RALYL: variants seen among roughly 807,000 people sequenced by gnomAD.
RALYL encodes the protein RALY RNA binding protein like, also known as RNA-binding Raly-like protein.
Under a neutral mutation model 35.1 loss-of-function variants are expected in RALYL, and 29 were observed. The observed-to-expected ratio is 0.83, with a 90% CI of 0.61 to 1.13. The LOEUF (loss-of-function observed/expected upper bound fraction) is 1.13, where lower values mean the gene tolerates loss of function less well. RALYL is among the 50% of genes most tolerant of loss of function. The pLI is 0.00. For missense variants in RALYL, 359 were observed against 360.4 expected (o/e 1.00, Z 0.03); for synonymous variants, 120 against 127.6 (o/e 0.94, Z 0.40).
chr8:84,667,114 G>T (rs1349450363), intron 2 of RALYL, among the ~76,000 whole-genome samples: 1 of 152,012 alleles, frequency 6.6e-6, no homozygotes, highest in African/African-American at 2.4e-5. Flanking sequence ...TAATTCATTT[G>T]CAGAAGAAAA....
chr8:84,887,816 C>T (rs747917121), intron 8 of RALYL, 40 bp downstream of exon 8: 1 of 1,534,238 alleles, frequency 6.5e-7, no homozygotes, highest in African/African-American at 1.4e-5. Flanking sequence ...CTTTGGGTAA[C>T]AACACTAGCA....
chr8:84,857,905 C>A (rs1313680633), intron 5 of RALYL, among the ~76,000 whole-genome samples: 2 of 151,916 alleles, frequency 1.3e-5, no homozygotes, highest in Non-Finnish European at 2.9e-5. Context: ...TTAATAATAA[C>A]AAGTTCTTTT....
intron 1 of RALYL, among the ~76,000 whole-genome samples, chr8:84,194,799 C>T (rs1475003757): frequency 6.6e-6 from 1 of 151,916 alleles, no homozygotes; most frequent in African/African-American, 2.4e-5. Flanking sequence ...GAGTATATTA[C>T]CATAGATAAT....
chr8:84,645,442 A>G (rs990834763), intron 2 of RALYL, among the ~76,000 whole-genome samples: 7 of 151,840 alleles, frequency 4.6e-5, no homozygotes, highest in East Asian at 3.9e-4. Context: ...TCTTCTGTCA[A>G]TTTTAATTGG....
chr8:84,599,098 A>G (rs1815287654), intron 2 of RALYL, among the ~76,000 whole-genome samples: 1 of 152,130 alleles, frequency 6.6e-6, no homozygotes, highest in Non-Finnish European at 1.5e-5. Flanking sequence ...TGTAAAACAT[A>G]TAACCTTAAG....
intron 2 of RALYL, among the ~76,000 whole-genome samples, chr8:84,730,594 T>C (rs867254833): frequency 1.4e-4 from 22 of 152,236 alleles, no homozygotes; most frequent in Middle Eastern, 6.8e-3. Context: ...GAAGTCAAAT[T>C]GTCCCTGTTG....
At chr8:84,287,650 T>A (rs1315690146) in intron 1 of RALYL, among the ~76,000 whole-genome samples, 1 of 152,018 alleles carries the variant, frequency 6.6e-6, no homozygotes, top group Non-Finnish European at 1.5e-5. Context: ...AGCCCCTTAA[T>A]AGGGCTATAA....
rs577853552 is a variant in RALYL at position 84,700,482 on chromosome 8, C to G, written c.257-74097C>G. Among the ~76,000 whole-genome samples, 8 of 152,066 alleles carry G rather than the reference C, an allele frequency of 5.3e-5. No homozygotes were observed. The East Asian group carries it at 1.5e-3, about 29-fold the overall frequency. On this transcript the variant is annotated intron_variant, in intron 2 of 8. Transcript: ENST00000521268. ...AAAAACTGAACAAAACTAAGGAGTA[C>G]AGAATTGATTTGTTTGCTTATTTCA...
At chr8:84,810,015 C>G (rs1489963428) in intron 4 of RALYL, among the ~76,000 whole-genome samples, 1 of 151,854 alleles carries the variant, frequency 6.6e-6, no homozygotes, top group South Asian at 2.1e-4. Context: ...TATTTCCTTT[C>G]TTTTACTGGG....
chr8:84,691,390 T>G (rs1318399873), intron 2 of RALYL, among the ~76,000 whole-genome samples: 1 of 152,108 alleles, frequency 6.6e-6, no homozygotes, highest in African/African-American at 2.4e-5. Context: ...GTACAGATTA[T>G]ATTTCAGTTC....
chr8:84,704,525 T>C (rs1005358062), intron 2 of RALYL, among the ~76,000 whole-genome samples: 2 of 151,866 alleles, frequency 1.3e-5, no homozygotes, highest in Non-Finnish European at 2.9e-5. Flanking sequence ...GAGCCTACTT[T>C]GTGCCAGGCA....
intron 1 of RALYL, among the ~76,000 whole-genome samples, chr8:84,262,905 CTAAGGG>C (rs1832582965): frequency 6.6e-6 from 1 of 152,048 alleles, no homozygotes; most frequent in Non-Finnish European, 1.5e-5. Flanking sequence ...ATGCCTCTAG[CTAAGGG>C]TAATGGTCAA....
chr8:84,805,101 A>G (rs545275499), intron 4 of RALYL, among the ~76,000 whole-genome samples: 1 of 152,308 alleles, frequency 6.6e-6, no homozygotes, highest in Non-Finnish European at 1.5e-5. Flanking sequence ...ATTGGTTTTA[A>G]AAATTCCTCT....
At chr8:84,560,913 T>G (rs1228893187) in intron 2 of RALYL, among the ~76,000 whole-genome samples, 1 of 152,062 alleles carries the variant, frequency 6.6e-6, no homozygotes, top group Non-Finnish European at 1.5e-5. Context: ...AATTATCAAA[T>G]GGATGTTTTC....
chr8:84,547,982 C>T (rs541360203), intron 2 of RALYL, among the ~76,000 whole-genome samples: 2 of 152,144 alleles, frequency 1.3e-5, no homozygotes, highest in Admixed American at 6.5e-5. Context: ...TTGAAGGTCA[C>T]TTTTACTTGT....
At chr8:84,880,602 C>T (rs1320321894) in intron 7 of RALYL, among the ~76,000 whole-genome samples, 1 of 151,926 alleles carries the variant, frequency 6.6e-6, no homozygotes, top group East Asian at 1.9e-4. Context: ...TACCCAAACC[C>T]TCATCATCTC....
chr8:84,809,803 T>A (rs1184149528), intron 4 of RALYL, among the ~76,000 whole-genome samples: 1 of 152,122 alleles, frequency 6.6e-6, no homozygotes, highest in Non-Finnish European at 1.5e-5. Flanking sequence ...TGATCTTTCG[T>A]ATTTCAGTGG....
intron 2 of RALYL, among the ~76,000 whole-genome samples, chr8:84,632,320 T>G (rs1167349769): frequency 2.6e-5 from 4 of 151,946 alleles, no homozygotes; most frequent in Non-Finnish European, 5.9e-5. Flanking sequence ...CCAAATGAAC[T>G]AAGACACATA....
chr8:84,310,081 C>T (rs1313788561), intron 1 of RALYL, among the ~76,000 whole-genome samples: 1 of 151,578 alleles, frequency 6.6e-6, no homozygotes, highest in Non-Finnish European at 1.5e-5. Flanking sequence ...CAGAGTCTCG[C>T]TCTGTCACAC....
Sources: gnomAD v4.1 joint callset for allele counts (sites outside exome capture counted in the v4.1 genomes callset) on GRCh38, gnomAD v4.1.1 for gene constraint, MANE v1.5 for transcripts, NCBI Gene and HGNC (gene_info 2026-07-23, HGNC 2026-07-21) for gene names.